MST1R: variants seen among roughly 807,000 people sequenced by gnomAD.
MST1R encodes macrophage stimulating 1 receptor, also known as macrophage-stimulating protein receptor.
Under a neutral mutation model 117.8 loss-of-function variants are expected in MST1R, and 99 were observed. That is an observed-to-expected ratio of 0.84 (90% CI 0.71 to 0.99). The LOEUF (loss-of-function observed/expected upper bound fraction) is 0.99. MST1R is among the 50% of genes least tolerant of loss of function. The pLI, the probability that MST1R is intolerant of heterozygous loss-of-function variation, is 0.00. For synonymous variants in MST1R, 734 were observed against 765.3 expected, an observed-to-expected ratio of 0.96 and a Z score of 0.68; for missense variants, 1,683 against 1,840.2, an observed-to-expected ratio of 0.91 and a Z score of 1.56.
In MST1R at chr3:49,902,654, G is replaced by A. The variant is rs2082721659; in HGVS notation, c.956C>T (p.Pro319Leu). Residue 319 changes from proline to leucine, a missense_variant, in exon 1 of 20, where the codon CCT becomes CTT. By Grantham distance (98) the Pro-to-Leu change is moderately conservative (BLOSUM62 -3). Transcript: ENST00000296474. ...RGAPEGGQPY[P>L]VLRVAHSAPV... The stretch of plus-strand genomic sequence containing the variant: ...AGCGGAGTGGGCCACCCGCAGCACA[G>A]GGTAGGGCTGTCCGCCTTCTGGGGC... The A allele has an allele frequency of 6.2e-7, 1 of 1,613,450 alleles. No homozygotes were observed. The highest frequency in any genetic ancestry group is 1.1e-5 in the South Asian group (1 of 91,084).
At chr3:49,899,470 G>A (rs1356571778) in intron 1 of MST1R, 5 of 540,910 alleles carry the variant, frequency 9.2e-6, no homozygotes, top group Admixed American at 3.2e-5. Context: ...CAGGCTGGAA[G>A]GTCCACTCCT....
In MST1R at chr3:49,895,319, A is replaced by C; in HGVS notation, c.3119T>G (p.Phe1040Cys). 6.2e-7 allele frequency: 1 copy of C among 1,614,202 alleles called. No homozygotes were observed. Among genetic ancestry groups the C allele is most frequent in the Middle Eastern group, 1.7e-4 (1 of 6,060 alleles). Residue 1040 changes from phenylalanine (F) to cysteine (C), a missense_variant, in exon 14 of 20, where the codon TTC becomes TGC. By Grantham distance (205) the Phe-to-Cys change is radical. Coordinates refer to ENST00000296474, the MANE Select transcript of MST1R (RefSeq NM_002447.4). ...DSTTCVHGAS[F>C]SDSEDESCVP... ...ACAGGATTCATCTTCACTATCGGAG[A>C]AGGATGCTCCATGGACACAAGTGGT... is the stretch of plus-strand genomic sequence containing the variant.
chr3:49,902,304 A>G (rs2082705402), intron 1 of MST1R, 76 bp downstream of exon 1: 2 of 1,511,056 alleles, frequency 1.3e-6, no homozygotes, highest in Non-Finnish European at 1.8e-6. Context: ...AGATCCCCTC[A>G]GTGATGGAAG....
Position 49,889,984 on chromosome 3 carries a change from A to AG in MST1R, c.3886dup (p.Leu1296ProfsTer15), listed in dbSNP as rs1559466305. The AG allele has an allele frequency of 6.2e-7, 1 of 1,614,130 alleles. No individual in the cohort carries two copies. Among genetic ancestry groups the AG allele is most frequent in the Admixed American group, 1.7e-5 (1 of 60,012 alleles). ...CCGACCCTGGGCCAGGAAGTGGGTA[A>AG]GGTCAAAAGGGTCAATGTGGCGGTA... On this transcript the variant is annotated frameshift_variant, in exon 19 of 20. Coordinates refer to ENST00000296474, the MANE Select transcript of MST1R (RefSeq NM_002447.4). LOFTEE classifies it high-confidence loss of function.
Position 49,896,615 on chromosome 3 carries a change from G to C in MST1R, c.2364C>G (p.Ile788Met), listed in dbSNP as rs980152833. 1.2e-6 allele frequency: 2 copies of C among 1,614,190 alleles called. 1 individual carries two copies. Among genetic ancestry groups the C allele is most frequent in the Admixed American group, 3.3e-5 (2 of 60,028 alleles). Residue 788 changes from isoleucine to methionine, a missense_variant, in exon 9 of 20, where the codon ATC (isoleucine) becomes ATG (methionine). Physicochemically the swap from Ile to Met is conservative, Grantham distance 10. Transcript: ENST00000296474. ...NCGYINSHIT[I>M]CGQHLTSAWH... ...ATGCTGAAGTTAGATGCTGGCCACA[G>C]ATGGTGATGTGGGAGTTGCTGTGGA...
chr3:49,895,491 G>C lies in MST1R; in HGVS notation c.3020C>G (p.Pro1007Arg). 6.2e-7 allele frequency: 1 copy of C among 1,614,166 alleles called. No homozygotes were observed. The highest frequency in any genetic ancestry group is 8.5e-7 in the Non-Finnish European group (1 of 1,180,040). The change falls in exon 13 of 20, where the codon CCC becomes CGC. Residue 1007 changes from proline (P) to arginine (R), a missense_variant. Transcript: ENST00000296474. ...ASLDQTAGAT[P>R]LPILYSGSDY... is the part of the protein sequence containing the mutation. ...AGAGCCCGAGTACAGAATAGGCAGG[G>C]GTGTGGCTCCAGCAGTCTGGTCCAG... is the stretch of plus-strand genomic sequence containing the variant.
intron 19 of MST1R, 57 bp from the exon 20 acceptor site, chr3:49,887,619 AC>A: frequency 6.3e-7 from 1 of 1,585,060 alleles, no homozygotes; most frequent in East Asian, 2.2e-5. Flanking sequence ...ATTCTGGGCC[AC>A]CCACTTGCTG....
Position 49,891,132 on chromosome 3 carries a change from C to T in MST1R, c.3644+65G>A, listed in dbSNP as rs577663769. 3.2e-5 allele frequency: 46 copies of T among 1,447,876 alleles called. No homozygotes were observed. The East Asian group carries it at 4.3e-4, about 14-fold the overall frequency. 89.7% of individuals were successfully genotyped at this position (1,447,876 alleles called of 1,614,324 possible). A position where few individuals can be genotyped will look rare whatever the true frequency, so the allele number is the denominator to read the frequency against. On this transcript the variant is annotated intron_variant, in intron 17 of 19. Transcript: ENST00000296474. Reference sequence around the variant, plus strand: ...TGGAGTGGGCCCTTCCCTGAGGCGGCCTTGAGCACCGCACACCCTCATGCC... The same window carrying T: ...TGGAGTGGGCCCTTCCCTGAGGCGGTCTTGAGCACCGCACACCCTCATGCC...
At position 49,899,222 on chromosome 3, in the gene MST1R, G is replaced by A. The variant is rs747030476; in HGVS notation, c.1272C>T (p.His424=). 1.9e-6 allele frequency: 3 copies of A among 1,614,224 alleles called. No individual in the cohort carries two copies. In the South Asian group the frequency reaches 3.3e-5, roughly 18 times the overall value. The change falls in exon 2 of 20, where the codon CAC becomes CAT. Residue 424 remains histidine (H), a synonymous_variant. Coordinates refer to ENST00000296474, the MANE Select transcript of MST1R (RefSeq NM_002447.4). ...AGCTGCTACTGACCAGCAGAGGGAA[G>A]TGGCGGCAGCTGGTGTTGGGGCTGA... is the stretch of plus-strand genomic sequence containing the variant. ...EALSPNTSCR[H]FPLLVSSSFS...
At chr3:49,897,467 C>A (rs879239280) in intron 6 of MST1R, 51 bp from the exon 7 acceptor site, 4 of 1,608,594 alleles carry the variant, frequency 2.5e-6, no homozygotes, top group Non-Finnish European at 3.4e-6. Flanking sequence ...CAAGCCCCTC[C>A]CTTCCCGTAC....
chr3:49,889,651 G>A (rs1263892654), intron 19 of MST1R, among the ~76,000 whole-genome samples: 3 of 152,116 alleles, frequency 2.0e-5, no homozygotes, highest in Admixed American at 6.5e-5. Flanking sequence ...AGTGGGAGTC[G>A]GGTAGGAGGA....
In MST1R at chr3:49,902,656, G is replaced by A. The variant is rs1425079794; in HGVS notation, c.954C>T (p.Tyr318=). The stretch of plus-strand genomic sequence containing the variant: ...CGGAGTGGGCCACCCGCAGCACAGG[G>A]TAGGGCTGTCCGCCTTCTGGGGCCC... The part of the protein sequence containing the change: ...RRGAPEGGQP[Y]PVLRVAHSAP... Residue 318 remains tyrosine, a synonymous_variant, in exon 1 of 20, where the codon TAC becomes TAT. Transcript: ENST00000296474. The A allele has an allele frequency of 1.2e-6, 2 of 1,613,314 alleles. No individual in the cohort carries two copies. Among genetic ancestry groups the A allele is most frequent in the East Asian group, 4.5e-5 (2 of 44,902 alleles).
In MST1R at chr3:49,887,423, A is replaced by G; in HGVS notation, c.4087T>C (p.Leu1363=). The G allele has an allele frequency of 6.2e-7, 1 of 1,614,228 alleles. No homozygotes were observed. Among genetic ancestry groups the G allele is most frequent in the South Asian group, 1.1e-5 (1 of 91,086 alleles). ...ATCTCATGCGAGGTGCTGGGGCCCA[A>G]GTTCATGTAGGTTGCTGGCAGCTGC... ...YVQLPATYMN[L]GPSTSHEMNV... is the part of the protein sequence containing the mutation. Residue 1363 remains leucine (L), a synonymous_variant, in exon 20 of 20, where the codon TTG becomes CTG. Transcript: ENST00000296474.
chr3:49,902,410 G>T lies in MST1R; in HGVS notation c.1200C>A (p.Phe400Leu), dbSNP rs765704264. The T allele has an allele frequency of 4.3e-6, 7 of 1,613,836 alleles. No individual in the cohort carries two copies. The highest frequency in any genetic ancestry group is 5.9e-6 in the Non-Finnish European group (7 of 1,179,956). The change falls in exon 1 of 20, where the codon TTC becomes TTA. Residue 400 changes from phenylalanine to leucine, a missense_variant. Phe to Leu is a conservative substitution (Grantham distance 22, BLOSUM62 0). Coordinates refer to ENST00000296474, the MANE Select transcript of MST1R (RefSeq NM_002447.4). ...TGGGGCAAAAACTGGGCGACTGGAA[G>T]AAGTCGAGGCCTCGCCGGAGGCCTG... Reference protein sequence around the residue: ...VHPGLRRGLDFFQSPSFCPNP... With the variant: ...VHPGLRRGLDLFQSPSFCPNP...
rs878889398 is a variant in MST1R, at chr3:49,895,155, T to C, written c.3271+12A>G. Reference sequence around the variant, plus strand: ...ACTCCATCTCTGCCCCAGCCCCACCTGGCCCCCACACCTTTGCCAATGACT... The same window carrying C: ...ACTCCATCTCTGCCCCAGCCCCACCCGGCCCCCACACCTTTGCCAATGACT... On this transcript the variant is annotated intron_variant, in intron 14 of 19. Coordinates refer to ENST00000296474, the MANE Select transcript of MST1R (RefSeq NM_002447.4). 2.5e-6 allele frequency: 4 copies of C among 1,613,446 alleles called. No homozygotes were observed. The highest frequency in any genetic ancestry group is 1.7e-5 in the Admixed American group (1 of 59,990).
Position 49,891,258 on chromosome 3 carries a change from C to T in MST1R, c.3583G>A (p.Gly1195Ser), listed in dbSNP as rs7433231. The T allele has an allele frequency of 5.6e-6, 9 of 1,614,140 alleles. No homozygotes were observed. The highest frequency in any genetic ancestry group is 2.7e-5 in the African/African-American group (2 of 75,056). Residue 1195 changes from glycine (G) to serine (S), a missense_variant, in exon 17 of 20, where the codon GGC becomes AGC. Coordinates refer to ENST00000296474, the MANE Select transcript of MST1R (RefSeq NM_002447.4). Reference sequence around the variant, plus strand: ...TTCTGCTCTGCCAGGTACTCCATGCCGCGGGCTACCTGCAGGCCAAAGCTG... The same window carrying T: ...TTCTGCTCTGCCAGGTACTCCATGCTGCGGGCTACCTGCAGGCCAAAGCTG... ...LISFGLQVAR[G>S]MEYLAEQKFV...
chr3:49,889,099 T>A (rs1052092323), intron 19 of MST1R, among the ~76,000 whole-genome samples: 1 of 152,150 alleles, frequency 6.6e-6, no homozygotes, highest in Non-Finnish European at 1.5e-5. Flanking sequence ...CTGTGGTGGG[T>A]CATCCCAGTT....
At position 49,895,817 on chromosome 3, in the gene MST1R, G is replaced by A; in HGVS notation, c.2860C>T (p.Pro954Ser). The change falls in exon 12 of 20, where the codon CCA (proline) becomes TCA (serine). Residue 954 changes from proline (P) to serine (S), a missense_variant. By Grantham distance (74) the Pro-to-Ser change is moderately conservative. Transcript: ENST00000296474. ...AGGATACCAAGGAGCGTGCTCTGTG[G>A]GACCCCATCTGGCCCTGGCCGCACC... ...RVVRPGPDGV[P>S]QSTLLGILLP... 1 of 1,613,938 alleles carries A rather than the reference G, an allele frequency of 6.2e-7. No homozygotes were observed. The highest frequency in any genetic ancestry group is 2.2e-5 in the East Asian group (1 of 44,876).
intron 14 of MST1R, among the ~76,000 whole-genome samples, chr3:49,892,867 G>A (rs1028141515): frequency 6.6e-6 from 1 of 152,040 alleles, no homozygotes; most frequent in Admixed American, 6.6e-5. Context: ...GGCTGAGGCA[G>A]GAGAAATGCT....
Sources: allele counts gnomAD v4.1 joint callset (sites outside exome capture counted in the v4.1 genomes callset), GRCh38; gene constraint gnomAD v4.1.1; transcripts MANE v1.5; gene names NCBI Gene and HGNC (gene_info 2026-07-23, HGNC 2026-07-21).